Variants in CXXC5 observed in about 807,000 individuals in gnomAD.
The protein encoded by CXXC5 is CXXC finger protein 5.
In CXXC5, 2 loss-of-function variants were observed where a neutral mutation model predicts 17.6. That is an observed-to-expected ratio of 0.11 (90% CI 0.05 to 0.36). The LOEUF (loss-of-function observed/expected upper bound fraction) is 0.36, where lower values mean the gene tolerates loss of function less well. Among genes scored for constraint, CXXC5 ranks in the 10% least tolerant of loss-of-function variants. The probability of loss-of-function intolerance (pLI) is 1.00; values close to 1 mark genes in which losing one functional copy is unlikely to be tolerated. For synonymous variants in CXXC5, 171 were observed against 193.0 expected, an observed-to-expected ratio of 0.89 and a Z score of 0.94; for missense variants, 343 against 458.3, an observed-to-expected ratio of 0.75 and a Z score of 2.30.
intron 1 of CXXC5, among the ~76,000 whole-genome samples, chr5:139,652,707 T>C (rs1437086092): frequency 6.6e-6 from 1 of 151,930 alleles, no homozygotes; most frequent in Admixed American, 6.6e-5. Context: ...TGTGGATCTG[T>C]AGTGTATGTG....
In CXXC5 at chr5:139,670,395, G is replaced by C. The variant is rs147268590; in HGVS notation, c.-160-9969G>C. On this transcript the variant is annotated intron_variant, in intron 1 of 2. Coordinates refer to ENST00000302517, the MANE Select transcript of CXXC5 (RefSeq NM_016463.9). This position sits in a 1 kb window ranked among gnomAD's most constrained non-coding sequence, Gnocchi z 4.2. Reference sequence around the variant, plus strand: ...TGGAACCCTGGGTTGGTTTCTCAGAGGCACAAACTGAACCTGGATGGAACC... The same window carrying C: ...TGGAACCCTGGGTTGGTTTCTCAGACGCACAAACTGAACCTGGATGGAACC... Among the ~76,000 whole-genome samples, 269 of 152,298 alleles carry C rather than the reference G, an allele frequency of 1.8e-3. No homozygotes were observed. The highest frequency in any genetic ancestry group is 0.014 in the Middle Eastern group (4 of 294).
rs1756271510 is a variant in CXXC5, at chr5:139,668,683, G to A, written c.-160-11681G>A. ...CTGAGTAGGCTCTGGGCCATGCCGG[G>A]GTACCTGGCTTGGAGGCTCTCTTCA... On this transcript the variant is annotated intron_variant, in intron 1 of 2. Coordinates refer to ENST00000302517, the MANE Select transcript of CXXC5 (RefSeq NM_016463.9). This position sits in a 1 kb window ranked among gnomAD's most constrained non-coding sequence, Gnocchi z 4.1. 6.6e-6 allele frequency among the ~76,000 whole-genome samples: 1 copy of A among 152,194 alleles called. No homozygotes were observed. The highest frequency in any genetic ancestry group is 2.1e-4 in the South Asian group (1 of 4,818).
At chr5:139,677,046 C>A (rs1030352283) in intron 1 of CXXC5, among the ~76,000 whole-genome samples, 7 of 151,780 alleles carry the variant, frequency 4.6e-5, no homozygotes, top group African/African-American at 9.7e-5. Flanking sequence ...CTGGCCGGCT[C>A]CTGCATGGAC....
At chr5:139,647,672 AC>A (rs1258324163), upstream of CXXC5, among the ~76,000 whole-genome samples, 1 of 152,174 alleles carries the variant, frequency 6.6e-6, no homozygotes, top group African/African-American at 2.4e-5. Flanking sequence ...CACCAAATGT[AC>A]GTAGTCGTTT....
At position 139,680,747 on chromosome 5, in the gene CXXC5, G is replaced by A. The variant is rs753344527; in HGVS notation, c.224G>A (p.Arg75His). 1.1e-5 allele frequency: 17 copies of A among 1,613,392 alleles called. No individual in the cohort carries two copies. The highest frequency in any genetic ancestry group is 6.7e-5 in the East Asian group (3 of 44,894). ...ISEPLNKSLR[R>H]SRPLSHYSSF... is the part of the protein sequence containing the mutation. ...GAGCCCCTCAACAAGAGCCTGCGCC[G>A]CTCCCGCCCGCTCTCCCACTACTCT... The change falls in exon 2 of 3, where the codon CGC becomes CAC. Residue 75 changes from arginine to histidine, a missense_variant. Transcript: ENST00000302517.
At chr5:139,665,022 G>A (rs1756021693) in intron 1 of CXXC5, among the ~76,000 whole-genome samples, 2 of 152,242 alleles carry the variant, frequency 1.3e-5, no homozygotes, top group African/African-American at 4.8e-5. Context: ...CCTGGTCACT[G>A]TACCCCAGCC....
intron 1 of CXXC5, among the ~76,000 whole-genome samples, chr5:139,659,394 G>A (rs1581577384): frequency 1.3e-5 from 2 of 152,178 alleles, no homozygotes; most frequent in African/African-American, 4.8e-5. Flanking sequence ...GGGCAAATAA[G>A]GCCCCCAGCC....
intron 1 of CXXC5, 97 bp downstream of exon 1, chr5:139,648,942 G>A (rs1755006549): frequency 6.6e-6 from 1 of 151,996 alleles, no homozygotes; most frequent in Non-Finnish European, 1.5e-5. Context: ...GGTTCGGTGC[G>A]CGGCCGGGGC....
At chr5:139,673,383 G>A (rs1756585568) in intron 1 of CXXC5, among the ~76,000 whole-genome samples, 1 of 152,190 alleles carries the variant, frequency 6.6e-6, no homozygotes, top group Admixed American at 6.5e-5. Flanking sequence ...CCTGGCCTGA[G>A]GGAGGTGCCT....
chr5:139,653,134 C>A (rs1341758224), intron 1 of CXXC5, among the ~76,000 whole-genome samples: 1 of 152,222 alleles, frequency 6.6e-6, no homozygotes, highest in Non-Finnish European at 1.5e-5. Flanking sequence ...CCCTACACCC[C>A]TTCCCTCCCC....
intron 1 of CXXC5, among the ~76,000 whole-genome samples, chr5:139,651,744 A>G (rs965121474): frequency 2.0e-5 from 3 of 151,918 alleles, no homozygotes; most frequent in Non-Finnish European, 4.4e-5. Context: ...GGGTGGAGGA[A>G]TGAGGGAATA....
At chr5:139,657,802 G>A (rs2126754460) in intron 1 of CXXC5, among the ~76,000 whole-genome samples, 1 of 152,278 alleles carries the variant, frequency 6.6e-6, no homozygotes, top group African/African-American at 2.4e-5. Context: ...AGGAAGCAGT[G>A]GGTGGTGAAG....
chr5:139,650,952 C>A (rs910728474), intron 1 of CXXC5: 3 of 152,222 alleles, frequency 2.0e-5, no homozygotes, highest in African/African-American at 7.2e-5. Flanking sequence ...CGGAAATTGT[C>A]CTCTCCTTGG....
intron 1 of CXXC5, among the ~76,000 whole-genome samples, chr5:139,659,966 G>A (rs1755698433): frequency 6.6e-6 from 1 of 152,194 alleles, no homozygotes; most frequent in Non-Finnish European, 1.5e-5. Context: ...CCAAGTATTT[G>A]CTCGAGCTGT....
intron 1 of CXXC5, among the ~76,000 whole-genome samples, chr5:139,672,710 G>T (rs976835791): frequency 2.6e-5 from 4 of 152,144 alleles, no homozygotes; most frequent in African/African-American, 7.2e-5. Context: ...CGTGACTTCT[G>T]CAGTAGTTTG....
Position 139,670,947 on chromosome 5 carries a change from G to A in CXXC5, c.-160-9417G>A, listed in dbSNP as rs916683831. On this transcript the variant is annotated intron_variant, in intron 1 of 2. Coordinates refer to ENST00000302517, the MANE Select transcript of CXXC5 (RefSeq NM_016463.9). This position sits in a 1 kb window ranked among gnomAD's most constrained non-coding sequence, Gnocchi z 4.2. The stretch of plus-strand genomic sequence containing the variant: ...AAAACACACTGTATGCATTGCTCTC[G>A]TCACCATACACACTCCAGCCCCCTG... 3.3e-5 allele frequency among the ~76,000 whole-genome samples: 5 copies of A among 152,198 alleles called. No homozygotes were observed. Among genetic ancestry groups the A allele is most frequent in the Non-Finnish European group, 5.9e-5 (4 of 68,046 alleles).
At chr5:139,672,482 C>T (rs1756535889) in intron 1 of CXXC5, among the ~76,000 whole-genome samples, 2 of 152,214 alleles carry the variant, frequency 1.3e-5, no homozygotes, top group African/African-American at 4.8e-5. Context: ...TGCTCCTTGC[C>T]ACGATAGGTC....
At position 139,670,499 on chromosome 5, in the gene CXXC5, G is replaced by A. The variant is rs1756400555; in HGVS notation, c.-160-9865G>A. Among the ~76,000 whole-genome samples the A allele has an allele frequency of 2.6e-5, 4 of 152,162 alleles. No individual in the cohort carries two copies. Among genetic ancestry groups the A allele is most frequent in the Admixed American group, 2.0e-4 (3 of 15,278 alleles). On this transcript the variant is annotated intron_variant, in intron 1 of 2. Coordinates refer to ENST00000302517, the MANE Select transcript of CXXC5 (RefSeq NM_016463.9). This position sits in a 1 kb window ranked among gnomAD's most constrained non-coding sequence, Gnocchi z 4.2. ...GCCCTAGCAGCTGGCACCAGTTCCT[G>A]TCTACACCATCCCCGTCCCAGTAGG...
Position 139,661,443 on chromosome 5 carries a change from G to A in CXXC5, c.-161+12598G>A, listed in dbSNP as rs1409744472. On this transcript the variant is annotated intron_variant, in intron 1 of 2. Transcript: ENST00000302517. This position sits in a 1 kb window ranked among gnomAD's most constrained non-coding sequence, Gnocchi z 4.7. ...CAGCCGACACGCGTGGTACAGACTCGGTCACATGCACCATGCACACACAGC... is the reference window on the plus strand; with the variant it reads ...CAGCCGACACGCGTGGTACAGACTCAGTCACATGCACCATGCACACACAGC... 2.0e-5 allele frequency among the ~76,000 whole-genome samples: 3 copies of A among 152,266 alleles called. No homozygotes were observed. The highest frequency in any genetic ancestry group is 6.5e-5 in the Admixed American group (1 of 15,302).
Sources: allele counts gnomAD v4.1 joint callset (sites outside exome capture counted in the v4.1 genomes callset), GRCh38; gene constraint gnomAD v4.1.1; non-coding constraint Gnocchi (gnomAD v3.1); transcripts MANE v1.5; gene names NCBI Gene and HGNC (gene_info 2026-07-23, HGNC 2026-07-21).